ROBO2: variants seen among roughly 807,000 people sequenced by gnomAD.
ROBO2 encodes the protein roundabout guidance receptor 2, also known as roundabout homolog 2.
ROBO2 carries 53 observed loss-of-function variants against 160.8 expected under a neutral mutation model. The observed-to-expected ratio is 0.33, with a 90% CI of 0.26 to 0.41. The LOEUF is 0.41. ROBO2 is among the 10% of genes least tolerant of loss of function. The pLI, the probability that ROBO2 is intolerant of heterozygous loss-of-function variation, is 1.00. For synonymous variants in ROBO2, 664 were observed against 611.7 expected (o/e 1.09, Z -1.26); for missense variants, 1,577 against 1,722.4 (o/e 0.92, Z 1.49).
At chr3:76,852,137 A>G (rs1480134248) in intron 2 of ROBO2, among the ~76,000 whole-genome samples, 1 of 152,228 alleles carries the variant, frequency 6.6e-6, no homozygotes, top group African/African-American at 2.4e-5. Context: ...TGTCCCTGCA[A>G]CGCGACACAT....
At chr3:76,027,488 A>T (rs962348537) in intron 2 of ROBO2, among the ~76,000 whole-genome samples, 2 of 151,896 alleles carry the variant, frequency 1.3e-5, no homozygotes, top group Non-Finnish European at 2.9e-5. Context: ...CCTCTTTCCT[A>T]AAGAGCAACC....
At chr3:76,695,632 C>T (rs1213854495) in intron 2 of ROBO2, among the ~76,000 whole-genome samples, 1 of 152,138 alleles carries the variant, frequency 6.6e-6, no homozygotes, top group East Asian at 1.9e-4. Flanking sequence ...ATGGCAAACA[C>T]TTGTGGTACT....
At chr3:77,540,800 C>A (rs1559573416) in intron 6 of ROBO2, among the ~76,000 whole-genome samples, 1 of 151,904 alleles carries the variant, frequency 6.6e-6, no homozygotes. Flanking sequence ...ACTGGTTTTA[C>A]ATCATTATGA....
chr3:76,103,697 A>G (rs1457310398), intron 2 of ROBO2, among the ~76,000 whole-genome samples: 2 of 152,208 alleles, frequency 1.3e-5, no homozygotes, highest in Non-Finnish European at 2.9e-5. Flanking sequence ...GGTTACTTAA[A>G]AAGAGGTGAA....
intron 2 of ROBO2, among the ~76,000 whole-genome samples, chr3:76,704,006 A>G (rs1461220249): frequency 6.6e-6 from 1 of 150,572 alleles, no homozygotes; most frequent in Non-Finnish European, 1.5e-5. Flanking sequence ...CCTTTTTGTT[A>G]TAGTTTCTGA....
chr3:76,779,516 C>T (rs1477885683), intron 2 of ROBO2, among the ~76,000 whole-genome samples: 1 of 150,884 alleles, frequency 6.6e-6, no homozygotes, highest in African/African-American at 2.4e-5. Flanking sequence ...TTTTCCCTCC[C>T]CAAGCACCTG....
At chr3:77,584,937 T>C (rs577954526) in intron 16 of ROBO2, among the ~76,000 whole-genome samples, 2 of 149,494 alleles carry the variant, frequency 1.3e-5, no homozygotes, top group African/African-American at 4.9e-5. Context: ...TATATACATA[T>C]ATATATATAC....
At chr3:77,585,036 G>A (rs2094010505) in intron 16 of ROBO2, among the ~76,000 whole-genome samples, 1 of 150,306 alleles carries the variant, frequency 6.7e-6, no homozygotes, top group African/African-American at 2.4e-5. Flanking sequence ...ATCTATATCT[G>A]TATATCTTTA....
At chr3:77,425,667 C>T (rs11127593) in intron 2 of ROBO2, among the ~76,000 whole-genome samples, 35,050 of 146,020 alleles carry the variant, frequency 0.24, 4,576 homozygotes, top group African/African-American at 0.35. Context: ...TTCAATATGA[C>T]TCTTTTTTTT....
At chr3:75,996,028 G>A (rs531320830) in intron 2 of ROBO2, among the ~76,000 whole-genome samples, 58 of 152,242 alleles carry the variant, frequency 3.8e-4, no homozygotes, top group African/African-American at 1.4e-3. Flanking sequence ...GCTCCTAGGT[G>A]GAAGGGAACT....
intron 2 of ROBO2, among the ~76,000 whole-genome samples, chr3:76,928,697 C>A (rs552029896): frequency 6.6e-6 from 1 of 152,244 alleles, no homozygotes; most frequent in South Asian, 2.1e-4. Context: ...CAAGAAAGCT[C>A]CTGGTTTTCT....
At chr3:76,858,750 A>G (rs1182468001) in intron 2 of ROBO2, among the ~76,000 whole-genome samples, 1 of 152,220 alleles carries the variant, frequency 6.6e-6, no homozygotes, top group Non-Finnish European at 1.5e-5. Context: ...ACAATGATTT[A>G]GGAAAACCAA....
chr3:77,263,603 A>G (rs919107953), intron 2 of ROBO2, among the ~76,000 whole-genome samples: 19 of 152,198 alleles, frequency 1.2e-4, no homozygotes, highest in African/African-American at 4.1e-4. Context: ...TTATGGCTGC[A>G]TAGTATTCCA....
At chr3:76,815,711 T>C (rs1265384719) in intron 2 of ROBO2, among the ~76,000 whole-genome samples, 3 of 152,034 alleles carry the variant, frequency 2.0e-5, no homozygotes, top group Non-Finnish European at 4.4e-5. Flanking sequence ...GAGAGTGTAA[T>C]ATTAAAATGT....
At chr3:77,437,429 A>G (rs772816325) in intron 2 of ROBO2, among the ~76,000 whole-genome samples, 6 of 152,008 alleles carry the variant, frequency 3.9e-5, no homozygotes, top group Non-Finnish European at 8.8e-5. Flanking sequence ...ATGTTCTAAG[A>G]TTTAAACTGT....
intron 6 of ROBO2, among the ~76,000 whole-genome samples, chr3:77,541,287 C>T (rs915958320): frequency 2.0e-5 from 3 of 152,050 alleles, no homozygotes; most frequent in African/African-American, 7.2e-5. Flanking sequence ...TTAGAGTCCC[C>T]CATCCCCTCA....
intron 2 of ROBO2, among the ~76,000 whole-genome samples, chr3:76,601,961 A>G (rs1022313238): frequency 6.6e-6 from 1 of 152,152 alleles, no homozygotes; most frequent in East Asian, 1.9e-4. Flanking sequence ...GGCTGCTTAG[A>G]AATTTCTTCC....
At chr3:77,089,245 C>T (rs1559982117) in intron 1 of ROBO2, among the ~76,000 whole-genome samples, 1 of 152,074 alleles carries the variant, frequency 6.6e-6, no homozygotes, top group Non-Finnish European at 1.5e-5. Flanking sequence ...CAAGTATATC[C>T]TTCTAGTTTT....
chr3:76,317,674 A>T (rs1174822011), intron 2 of ROBO2, among the ~76,000 whole-genome samples: 2 of 152,166 alleles, frequency 1.3e-5, no homozygotes, highest in African/African-American at 4.8e-5. Context: ...TGAAAAGTAA[A>T]TTCCAAAACC....
Sources: allele counts gnomAD v4.1 joint callset (sites outside exome capture counted in the v4.1 genomes callset), GRCh38; gene constraint gnomAD v4.1.1; transcripts MANE v1.5; gene names NCBI Gene and HGNC (gene_info 2026-07-23, HGNC 2026-07-21).